Variants in SLC16A7 observed in about 807,000 individuals in gnomAD.
The protein encoded by SLC16A7 is solute carrier family 16 member 7, also known as monocarboxylate transporter 2.
In SLC16A7, 33 loss-of-function variants were observed where a neutral mutation model predicts 34.9. The ratio of observed to expected loss-of-function variants is 0.94; its 90% CI spans 0.72 to 1.26. The LOEUF (loss-of-function observed/expected upper bound fraction) is 1.26. Among genes scored for constraint, SLC16A7 ranks in the 50% most tolerant of loss-of-function variants. The pLI is 0.00. For missense variants in SLC16A7, 573 were observed against 578.1 expected, an observed-to-expected ratio of 0.99 and a Z score of 0.09; for synonymous variants, 201 against 206.6, an observed-to-expected ratio of 0.97 and a Z score of 0.23.
chr12:59,672,431 T>G (rs1174153404), intron 2 of SLC16A7, among the ~76,000 whole-genome samples: 1 of 150,876 alleles, frequency 6.6e-6, no homozygotes, highest in Non-Finnish European at 1.5e-5. Flanking sequence ...CTTTCTTATC[T>G]CCCATCTTGT....
chr12:59,675,351 C>T (rs1870222467), intron 2 of SLC16A7, among the ~76,000 whole-genome samples: 1 of 151,992 alleles, frequency 6.6e-6, no homozygotes, highest in Admixed American at 6.6e-5. Flanking sequence ...AAATCAGTGC[C>T]CTTATGAGAC....
At position 59,752,916 on chromosome 12, in the gene SLC16A7, ACT is replaced by A. The variant is rs569791203; in HGVS notation, c.218-18300_218-18299del. 3.0e-3 allele frequency among the ~76,000 whole-genome samples: 458 copies of A among 152,298 alleles called. 1 individual carries two copies. The highest frequency in any genetic ancestry group is 1.0e-2 in the African/African-American group (415 of 41,554). The stretch of plus-strand genomic sequence containing the variant: ...ACTAACAGCGGATCTCTCGGCAGAA[ACT>A]CTACAAGCCAGAAGAGAGTGGAGGC... On this transcript the variant is annotated intron_variant, in intron 3 of 5. Transcript: ENST00000547379.
chr12:59,771,455 T>C (rs1592687619), intron 4 of SLC16A7, 93 bp downstream of exon 4: 1 of 925,784 alleles, frequency 1.1e-6, no homozygotes, highest in Non-Finnish European at 1.5e-6. Flanking sequence ...TTATTTTCTT[T>C]GAATTTATTT....
chr12:59,753,843 C>A (rs1013735375), intron 3 of SLC16A7, among the ~76,000 whole-genome samples: 5 of 152,088 alleles, frequency 3.3e-5, no homozygotes, highest in Non-Finnish European at 5.9e-5. Context: ...CAAAATTGAC[C>A]ACATACTTGG....
intron 1 of SLC16A7, among the ~76,000 whole-genome samples, chr12:59,600,183 A>G (rs1878618074): frequency 6.6e-6 from 1 of 152,202 alleles, no homozygotes; most frequent in Admixed American, 6.5e-5. Flanking sequence ...CATAGAAATA[A>G]CTCAATAACT....
rs563736138 is a variant in SLC16A7 at position 59,602,628 on chromosome 12, C to T, written c.-130+6392C>T. On this transcript the variant is annotated intron_variant, in intron 1 of 5. Coordinates refer to ENST00000547379, the MANE Select transcript of SLC16A7 (RefSeq NM_001270623.2). ...CCTCCTGAGTAGCTGGGACTATAGGCGCCCACCATCACGTCTGGCTAATTT... is the reference window on the plus strand; with the variant it reads ...CCTCCTGAGTAGCTGGGACTATAGGTGCCCACCATCACGTCTGGCTAATTT... Among the ~76,000 whole-genome samples, 575 of 151,738 alleles carry T rather than the reference C, an allele frequency of 3.8e-3. 3 individuals are homozygous for T. Among genetic ancestry groups the T allele is most frequent in the African/African-American group, 0.013 (532 of 41,380 alleles).
intron 1 of SLC16A7, among the ~76,000 whole-genome samples, chr12:59,609,818 G>A (rs1879112264): frequency 6.6e-6 from 1 of 151,978 alleles, no homozygotes; most frequent in Non-Finnish European, 1.5e-5. Flanking sequence ...TGATTTTTTG[G>A]TACTCTCTTG....
chr12:59,659,930 G>A (rs1868747682), intron 2 of SLC16A7, among the ~76,000 whole-genome samples: 1 of 152,024 alleles, frequency 6.6e-6, no homozygotes, highest in South Asian at 2.1e-4. Flanking sequence ...GAAATACTAG[G>A]CCAGCATATA....
intron 1 of SLC16A7, among the ~76,000 whole-genome samples, chr12:59,598,490 A>AT (rs11381944): frequency 0.2 from 30,755 of 151,860 alleles, 3,210 homozygotes; most frequent in Non-Finnish European, 0.21. Flanking sequence ...CTTTTAGTCC[A>AT]TTTTTTTTCT....
intron 2 of SLC16A7, among the ~76,000 whole-genome samples, chr12:59,673,012 G>A (rs899764536): frequency 6.6e-6 from 1 of 152,086 alleles, no homozygotes; most frequent in African/African-American, 2.4e-5. Context: ...CTTTAACAAA[G>A]CCATAGAATT....
intron 1 of SLC16A7, among the ~76,000 whole-genome samples, chr12:59,625,690 C>T (rs758400011): frequency 8.6e-5 from 13 of 151,752 alleles, no homozygotes; most frequent in Non-Finnish European, 1.5e-4. Flanking sequence ...AGTTATTTTT[C>T]CCTTTCACTT....
chr12:59,626,962 GTTT>G (rs1323102880), intron 1 of SLC16A7, among the ~76,000 whole-genome samples: 1 of 151,822 alleles, frequency 6.6e-6, no homozygotes, highest in Non-Finnish European at 1.5e-5. Flanking sequence ...ATTTGACATA[GTTT>G]TTTTCCTAGT....
At chr12:59,747,393 T>C (rs920268649) in intron 3 of SLC16A7, among the ~76,000 whole-genome samples, 2 of 152,250 alleles carry the variant, frequency 1.3e-5, no homozygotes, top group Non-Finnish European at 2.9e-5. Flanking sequence ...GAAAATAGTA[T>C]AATGTATTAA....
chr12:59,756,279 T>C (rs1022731479), intron 3 of SLC16A7, among the ~76,000 whole-genome samples: 3 of 152,120 alleles, frequency 2.0e-5, no homozygotes, highest in African/African-American at 7.2e-5. Context: ...ACTAAAGAGC[T>C]TCTGCAGAGC....
intron 1 of SLC16A7, among the ~76,000 whole-genome samples, chr12:59,600,431 T>C (rs1166788063): frequency 6.6e-6 from 1 of 152,154 alleles, no homozygotes; most frequent in African/African-American, 2.4e-5. Context: ...TTGGGAAACA[T>C]CTGCACACTA....
intron 1 of SLC16A7, among the ~76,000 whole-genome samples, chr12:59,618,397 T>C (rs1188543917): frequency 6.6e-6 from 1 of 151,990 alleles, no homozygotes; most frequent in Admixed American, 6.6e-5. Context: ...ATGAGAGACC[T>C]GTGAAATTAC....
At chr12:59,604,103 G>A (rs762024603) in intron 1 of SLC16A7, among the ~76,000 whole-genome samples, 1 of 152,110 alleles carries the variant, frequency 6.6e-6, no homozygotes, top group Non-Finnish European at 1.5e-5. Context: ...TTTATTTAAG[G>A]CTGCTGTATT....
intron 3 of SLC16A7, among the ~76,000 whole-genome samples, chr12:59,746,482 T>TG (rs1369718914): frequency 6.6e-6 from 1 of 152,236 alleles, no homozygotes; most frequent in African/African-American, 2.4e-5. Context: ...ATTTTTAATT[T>TG]GGTACCCACC....
intron 1 of SLC16A7, among the ~76,000 whole-genome samples, chr12:59,638,796 A>G (rs1880548089): frequency 6.6e-6 from 1 of 152,150 alleles, no homozygotes; most frequent in Non-Finnish European, 1.5e-5. Flanking sequence ...ATGGGTTATT[A>G]CATCTTTACT....
Sources: gnomAD v4.1 joint callset for allele counts (sites outside exome capture counted in the v4.1 genomes callset) on GRCh38, gnomAD v4.1.1 for gene constraint, MANE v1.5 for transcripts, NCBI Gene and HGNC (gene_info 2026-07-23, HGNC 2026-07-21) for gene names.